TRMT9B: variants seen among roughly 807,000 people sequenced by gnomAD.
TRMT9B encodes the protein probable tRNA methyltransferase 9B.
Under a neutral mutation model 11.5 loss-of-function variants are expected in TRMT9B, and 16 were observed. The observed-to-expected ratio is 1.39, with a 90% CI of 0.94 to 2.11. The LOEUF is 2.11. Among genes scored for constraint, TRMT9B ranks in the 30% most tolerant of loss-of-function variants. The pLI is 0.00. For synonymous variants in TRMT9B, 274 were observed against 192.4 expected, an observed-to-expected ratio of 1.42 and a Z score of -3.51; for missense variants, 941 against 553.8, an observed-to-expected ratio of 1.70 and a Z score of -7.02.
At chr8:12,970,598 A>G (rs1316386694) in intron 1 of TRMT9B, among the ~76,000 whole-genome samples, 1 of 152,244 alleles carries the variant, frequency 6.6e-6, no homozygotes, top group African/African-American at 2.4e-5. Flanking sequence ...GAGGCTTGCA[A>G]TGTATTCAAA....
At position 12,990,951 on chromosome 8, in the gene TRMT9B, A is replaced by T; in HGVS notation, c.-82A>T. ...ACACATTGAGAAAGTTATGAGAAGC[A>T]ACTGTCACTCTCTGGAGGTGGAGAC... On this transcript the variant is annotated 5_prime_UTR_variant, in exon 2 of 5. Transcript: ENST00000524591. The T allele has an allele frequency of 7.8e-7, 1 of 1,289,190 alleles. No homozygotes were observed. The highest frequency in any genetic ancestry group is 1.0e-6 in the Non-Finnish European group (1 of 988,468). 79.9% of individuals were successfully genotyped at this position (1,289,190 alleles called of 1,614,324 possible). A position where few individuals can be genotyped will look rare whatever the true frequency, so the allele number is the denominator to read the frequency against.
In TRMT9B at chr8:13,021,681, T is replaced by A. The variant is rs779278746; in HGVS notation, c.1002T>A (p.Asn334Lys). 17 of 1,613,908 alleles carry A rather than the reference T, an allele frequency of 1.1e-5. No homozygotes were observed. Among genetic ancestry groups the A allele is most frequent in the Non-Finnish European group, 1.4e-5 (17 of 1,179,876 alleles). Residue 334 changes from asparagine to lysine, a missense_variant, in exon 5 of 5, where the codon AAT becomes AAA. Coordinates refer to ENST00000524591, the MANE Select transcript of TRMT9B (RefSeq NM_020844.3). ...CACCAGGCACTCTGAAACATTTAAA[T>A]GGAGACCATCAAGGGGAAATGAGGA... ...LRAPGTLKHLNGDHQGEMRRN... is the reference protein window; with the variant it reads ...LRAPGTLKHLKGDHQGEMRRN...
chr8:13,025,521 C>G lies in TRMT9B; in HGVS notation c.*3477C>G, dbSNP rs138396462. Reference sequence around the variant, plus strand: ...AACAAGAGTGAAACTCCATCTCCAACAAAACAAAACTTTGCTGGCTTCCTG... The same window carrying G: ...AACAAGAGTGAAACTCCATCTCCAAGAAAACAAAACTTTGCTGGCTTCCTG... On this transcript the variant is annotated 3_prime_UTR_variant, in exon 5 of 5. Transcript: ENST00000524591. 1.0e-3 allele frequency: 172 copies of G among 166,792 alleles called. 1 individual carries two copies. Among genetic ancestry groups the G allele is most frequent in the Middle Eastern group, 3.4e-3 (1 of 296 alleles). The allele number at this position is 166,792 out of a possible 1,614,324, so 10.3% of individuals were successfully genotyped here. A position where few individuals can be genotyped will look rare whatever the true frequency, so the allele number is the denominator to read the frequency against.
chr8:13,011,977 C>T (rs1411478499), intron 3 of TRMT9B: 2 of 985,138 alleles, frequency 2.0e-6, no homozygotes, highest in African/African-American at 1.7e-5. Context: ...GGAGAGACAA[C>T]AGGAGAATAA....
At chr8:12,991,133 A>G (rs1026048729) in intron 2 of TRMT9B, 102 bp downstream of exon 2, 28 of 446,700 alleles carry the variant, frequency 6.3e-5, no homozygotes, top group African/African-American at 5.4e-4. Context: ...ATAATTTTAA[A>G]TTTATGACAA....
chr8:12,945,997 T>C (rs1800246563), intron 1 of TRMT9B, 31 bp downstream of exon 1: 1 of 152,200 alleles, frequency 6.6e-6, no homozygotes, highest in Non-Finnish European at 1.5e-5. Context: ...TTGCACATTT[T>C]AGTTGTGATA....
intron 1 of TRMT9B, among the ~76,000 whole-genome samples, chr8:12,967,898 T>G (rs1222749700): frequency 6.6e-6 from 1 of 152,252 alleles, no homozygotes; most frequent in Non-Finnish European, 1.5e-5. Context: ...CTAATTTGTT[T>G]ACTTATTTAC....
chr8:12,959,367 G>A (rs995636926), intron 1 of TRMT9B, among the ~76,000 whole-genome samples: 2 of 152,080 alleles, frequency 1.3e-5, no homozygotes, highest in African/African-American at 4.8e-5. Context: ...TCAAAAGATT[G>A]TATAAAATTA....
At chr8:12,952,929 G>C (rs199866427) in intron 1 of TRMT9B, among the ~76,000 whole-genome samples, 1 of 152,098 alleles carries the variant, frequency 6.6e-6, no homozygotes, top group Non-Finnish European at 1.5e-5. Context: ...TACTAGAGAC[G>C]GGGTTTCACC....
intron 2 of TRMT9B, among the ~76,000 whole-genome samples, chr8:12,991,580 A>G (rs1188220905): frequency 1.3e-5 from 2 of 152,094 alleles, no homozygotes; most frequent in Admixed American, 6.6e-5. Flanking sequence ...GCCATTTCCA[A>G]TATTTGTATT....
chr8:12,985,602 C>G (rs1806163989), intron 1 of TRMT9B, among the ~76,000 whole-genome samples: 1 of 152,280 alleles, frequency 6.6e-6, no homozygotes, highest in Middle Eastern at 3.4e-3. Context: ...GTACGGACCA[C>G]CCATCTTTGT....
At chr8:12,976,828 A>G (rs191326978) in intron 1 of TRMT9B, among the ~76,000 whole-genome samples, 102 of 152,278 alleles carry the variant, frequency 6.7e-4, no homozygotes, top group South Asian at 2.5e-3. Flanking sequence ...CTTTAAACCC[A>G]GGAAAGAGCT....
At chr8:13,010,659 C>T (rs1424516752) in intron 3 of TRMT9B, 82 of 984,676 alleles carry the variant, frequency 8.3e-5, no homozygotes, top group Non-Finnish European at 9.9e-5. Flanking sequence ...AGGCCCTCCT[C>T]ATTCTAAAGA....
intron 1 of TRMT9B, among the ~76,000 whole-genome samples, chr8:12,955,922 G>C (rs2946501): frequency 0.31 from 46,898 of 151,986 alleles, 7,784 homozygotes; most frequent in East Asian, 0.65. Context: ...ACCACCGCTA[G>C]AACTGCTAAC....
Position 13,026,947 on chromosome 8 carries a change from C to G in TRMT9B, c.*4903C>G, listed in dbSNP as rs1814757844. ...AATAGTAGTCTCTTACATATTTTCC[C>G]TTTTATCTTTTTTTCATTTGTAAAT... On this transcript the variant is annotated 3_prime_UTR_variant, in exon 5 of 5. Transcript: ENST00000524591. 1 of 167,020 alleles carries G rather than the reference C, an allele frequency of 6.0e-6. No homozygotes were observed. The highest frequency in any genetic ancestry group is 2.4e-5 in the African/African-American group (1 of 41,430). 10.3% of individuals were successfully genotyped at this position (167,020 alleles called of 1,614,324 possible).
chr8:12,955,232 C>T (rs62488975), intron 1 of TRMT9B, among the ~76,000 whole-genome samples: 49 of 152,186 alleles, frequency 3.2e-4, no homozygotes, highest in Admixed American at 1.4e-3. Context: ...CCTTTGGGAG[C>T]CAGAGGCTGT....
intron 1 of TRMT9B, among the ~76,000 whole-genome samples, chr8:12,983,501 C>T (rs1805748936): frequency 1.3e-5 from 2 of 152,108 alleles, no homozygotes; most frequent in African/African-American, 4.8e-5. Context: ...GAAATCCCAT[C>T]TCTACTAAAA....
At chr8:12,998,577 T>A (rs1808787913) in intron 2 of TRMT9B, among the ~76,000 whole-genome samples, 1 of 152,234 alleles carries the variant, frequency 6.6e-6, no homozygotes, top group South Asian at 2.1e-4. Flanking sequence ...CCCTGGCCTC[T>A]GTGCTAACTT....
chr8:13,029,706 G>T lies in TRMT9B; in HGVS notation c.*7662G>T, dbSNP rs777619375. On this transcript the variant is annotated 3_prime_UTR_variant, in exon 5 of 5. Transcript: ENST00000524591. ...TTTTAATAATAGATTATCTTTAATG[G>T]TTATTAAAAGAATGTTATTGACCAA... 6.5e-6 allele frequency: 1 copy of T among 153,384 alleles called. No individual in the cohort carries two copies. Among genetic ancestry groups the T allele is most frequent in the Non-Finnish European group, 1.5e-5 (1 of 68,028 alleles). The allele number at this position is 153,384 out of a possible 1,614,324, so 9.5% of individuals were successfully genotyped here.
Sources: allele counts gnomAD v4.1 joint callset (sites outside exome capture counted in the v4.1 genomes callset), GRCh38; gene constraint gnomAD v4.1.1; transcripts MANE v1.5; gene names NCBI Gene and HGNC (gene_info 2026-07-23, HGNC 2026-07-21).